GRIK3: variants seen among roughly 807,000 people sequenced by gnomAD.
GRIK3 encodes the protein glutamate ionotropic receptor kainate type subunit 3.
In GRIK3, 29 loss-of-function variants were observed where a neutral mutation model predicts 102.5. The observed-to-expected ratio is 0.28, with a 90% CI of 0.21 to 0.39. The LOEUF (loss-of-function observed/expected upper bound fraction) is 0.39, where lower values mean the gene tolerates loss of function less well. GRIK3 is among the 10% of genes least tolerant of loss of function. GRIK3 has a pLI of 1.00. For synonymous variants in GRIK3, 511 were observed against 504.9 expected (o/e 1.01, Z -0.16); for missense variants, 908 against 1,252.4 (o/e 0.73, Z 4.15).
At chr1:36,897,207 T>G (rs564946878) in intron 1 of GRIK3, among the ~76,000 whole-genome samples, 1 of 152,304 alleles carries the variant, frequency 6.6e-6, no homozygotes, top group Non-Finnish European at 1.5e-5. Context: ...GAAGTAAAAG[T>G]GTCTGTCTGC....
At chr1:36,909,439 C>T (rs1479744189) in intron 1 of GRIK3, among the ~76,000 whole-genome samples, 2 of 152,026 alleles carry the variant, frequency 1.3e-5, no homozygotes, top group African/African-American at 4.8e-5. Flanking sequence ...GCTGGGACTA[C>T]AGGTGCACGC....
At chr1:36,900,159 A>G (rs1258488657) in intron 1 of GRIK3, among the ~76,000 whole-genome samples, 2 of 152,366 alleles carry the variant, frequency 1.3e-5, no homozygotes, top group East Asian at 3.9e-4. Flanking sequence ...CATAAAGCAC[A>G]TCTTAACAAA....
At chr1:36,829,506 C>T (rs369799389) in intron 10 of GRIK3, among the ~76,000 whole-genome samples, 1 of 152,114 alleles carries the variant, frequency 6.6e-6, no homozygotes, top group East Asian at 1.9e-4. Context: ...TGACATCAAA[C>T]CCTTGACTTG....
At position 36,862,292 on chromosome 1, in the gene GRIK3, C is replaced by T. The variant is rs141294035; in HGVS notation, c.787-2275G>A. On this transcript the variant is annotated intron_variant, in intron 5 of 15. Coordinates refer to ENST00000373091, the MANE Select transcript of GRIK3 (RefSeq NM_000831.4). ...TTGCAGGCATTACAAATCAGGATTT[C>T]TGTGTTTTGTCTTTTTTCTCCCTTT... Among the ~76,000 whole-genome samples the T allele has an allele frequency of 6.5e-3, 982 of 152,178 alleles. 12 individuals are homozygous for T. Among genetic ancestry groups the T allele is most frequent in the African/African-American group, 0.021 (879 of 41,518 alleles).
At chr1:36,859,405 C>A (rs1640693596) in intron 6 of GRIK3, among the ~76,000 whole-genome samples, 154 bp from the exon 7 acceptor site, 1 of 152,192 alleles carries the variant, frequency 6.6e-6, no homozygotes, top group South Asian at 2.1e-4. Context: ...GTCTACGCCT[C>A]TGAGGAGTGG....
chr1:36,806,315 G>A lies in GRIK3; in HGVS notation c.2103C>T (p.Ile701=). ...AGGCCCACATCTTCTCGAAGGTGGA[G>A]ATCTTGGATTTCTGGGCCGTGAGGG... ...ATMTFFKKSK[I]STFEKMWAFM... Residue 701 remains isoleucine, a synonymous_variant, in exon 14 of 16, where the codon ATC becomes ATT. Coordinates refer to ENST00000373091, the MANE Select transcript of GRIK3 (RefSeq NM_000831.4). The surrounding 1 kb of genome is among the most constrained non-coding windows in gnomAD (Gnocchi z 4.0). 2 of 1,612,768 alleles carry A rather than the reference G, an allele frequency of 1.2e-6. No individual in the cohort carries two copies. Among genetic ancestry groups the A allele is most frequent in the Non-Finnish European group, 1.7e-6 (2 of 1,178,894 alleles).
intron 1 of GRIK3, among the ~76,000 whole-genome samples, chr1:36,997,262 G>A (rs1333976028): frequency 6.6e-6 from 1 of 152,142 alleles, no homozygotes; most frequent in African/African-American, 2.4e-5. Context: ...GCGTGAGGCT[G>A]GCAAGGAGCA....
intron 1 of GRIK3, among the ~76,000 whole-genome samples, chr1:36,893,204 T>C (rs1305867652): frequency 6.6e-6 from 1 of 152,050 alleles, no homozygotes; most frequent in Admixed American, 6.5e-5. Flanking sequence ...AAAAATAACA[T>C]AAAACTTCTA....
At chr1:36,907,927 C>T (rs1376971160) in intron 1 of GRIK3, among the ~76,000 whole-genome samples, 1 of 152,086 alleles carries the variant, frequency 6.6e-6, no homozygotes, top group Non-Finnish European at 1.5e-5. Context: ...CCCCCTTGCC[C>T]AGGAGGAGGG....
Position 36,850,251 on chromosome 1 carries a change from C to T in GRIK3, c.1326+60G>A, listed in dbSNP as rs562450441. The stretch of plus-strand genomic sequence containing the variant: ...GGGGGATAGAGGGGACTCTCCAGCC[C>T]GAACGGCCACCCCACCCCCAGGTCG... On this transcript the variant is annotated intron_variant, in intron 9 of 15. Transcript: ENST00000373091. This position sits in a 1 kb window ranked among gnomAD's most constrained non-coding sequence, Gnocchi z 4.0. 2.6e-4 allele frequency: 280 copies of T among 1,088,676 alleles called. No homozygotes were observed. Among genetic ancestry groups the T allele is most frequent in the Non-Finnish European group, 3.5e-4 (248 of 701,662 alleles). 67.4% of individuals were successfully genotyped at this position (1,088,676 alleles called of 1,614,324 possible).
At chr1:36,856,970 T>C (rs946394694) in intron 7 of GRIK3, among the ~76,000 whole-genome samples, 1 of 152,152 alleles carries the variant, frequency 6.6e-6, no homozygotes, top group Non-Finnish European at 1.5e-5. Flanking sequence ...GCCAACCTGT[T>C]CAGCACCTGC....
intron 3 of GRIK3, among the ~76,000 whole-genome samples, chr1:36,874,834 C>T (rs967592927): frequency 6.6e-6 from 1 of 152,158 alleles, no homozygotes; most frequent in Non-Finnish European, 1.5e-5. Context: ...TGCATGGTGA[C>T]CCACATTCTC....
chr1:36,860,490 G>C (rs965754411), intron 5 of GRIK3, among the ~76,000 whole-genome samples: 1 of 152,192 alleles, frequency 6.6e-6, no homozygotes, highest in African/African-American at 2.4e-5. Flanking sequence ...GACTCAAAAA[G>C]TATGGCCCTC....
At chr1:36,813,112 A>C (rs1255251206) in intron 13 of GRIK3, among the ~76,000 whole-genome samples, 2 of 152,258 alleles carry the variant, frequency 1.3e-5, no homozygotes, top group East Asian at 3.8e-4. Flanking sequence ...ACAGTGACCA[A>C]GAGCATAGGC....
At chr1:36,994,561 T>C (rs563226479) in intron 1 of GRIK3, among the ~76,000 whole-genome samples, 6 of 152,364 alleles carry the variant, frequency 3.9e-5, no homozygotes, top group African/African-American at 1.2e-4. Flanking sequence ...TTACACACAG[T>C]GATTCTCCAT....
At chr1:36,858,377 TC>T (rs1036800687) in intron 7 of GRIK3, among the ~76,000 whole-genome samples, 6 of 152,174 alleles carry the variant, frequency 3.9e-5, no homozygotes, top group Admixed American at 3.9e-4. Context: ...GCCTTAATTT[TC>T]CCCATCCATA....
At chr1:37,009,984 C>T (rs1054764266) in intron 1 of GRIK3, among the ~76,000 whole-genome samples, 3 of 152,078 alleles carry the variant, frequency 2.0e-5, no homozygotes, top group Non-Finnish European at 4.4e-5. Flanking sequence ...GCCTCGGCAC[C>T]AACACAGACA....
chr1:37,023,056 C>T (rs922693637), intron 1 of GRIK3, among the ~76,000 whole-genome samples: 4 of 152,104 alleles, frequency 2.6e-5, no homozygotes, highest in Admixed American at 2.0e-4. Context: ...CGGCCGGGTG[C>T]AGTGGCTCAC....
chr1:36,880,587 G>GC lies in GRIK3; in HGVS notation c.550+46dup, dbSNP rs766682122. On this transcript the variant is annotated intron_variant, in intron 3 of 15. Coordinates refer to ENST00000373091, the MANE Select transcript of GRIK3 (RefSeq NM_000831.4). The surrounding 1 kb of genome is among the most constrained non-coding windows in gnomAD (Gnocchi z 5.4). Reference sequence around the variant, plus strand: ...GACAAGAGCTTGATCCTGGGCCTCTGCCCCCCTCAACCGTTGCCCCCAGCC... The same window carrying GC: ...GACAAGAGCTTGATCCTGGGCCTCTGCCCCCCCTCAACCGTTGCCCCCAGCC... 1 of 1,584,576 alleles carries GC rather than the reference G, an allele frequency of 6.3e-7. No individual in the cohort carries two copies. Among genetic ancestry groups the GC allele is most frequent in the Non-Finnish European group, 8.7e-7 (1 of 1,155,364 alleles).
Sources: allele counts gnomAD v4.1 joint callset (sites outside exome capture counted in the v4.1 genomes callset), GRCh38; gene constraint gnomAD v4.1.1; non-coding constraint Gnocchi (gnomAD v3.1); transcripts MANE v1.5; gene names NCBI Gene and HGNC (gene_info 2026-07-23, HGNC 2026-07-21).